Variants in DCC observed in about 807,000 individuals in gnomAD.
The protein encoded by DCC is netrin receptor DCC.
In DCC, 58 loss-of-function variants were observed where a neutral mutation model predicts 172.5. That is an observed-to-expected ratio of 0.34 (90% CI 0.27 to 0.42). DCC has a LOEUF of 0.42. Ranked by LOEUF, DCC falls within the 10% of genes least tolerant of loss-of-function variation. DCC has a pLI of 1.00. For synonymous variants in DCC, 709 were observed against 644.5 expected, an observed-to-expected ratio of 1.10 and a Z score of -1.52; for missense variants, 1,740 against 1,791.0, an observed-to-expected ratio of 0.97 and a Z score of 0.51.
At chr18:52,475,687 G>A (rs1211738499) in intron 1 of DCC, among the ~76,000 whole-genome samples, 1 of 152,168 alleles carries the variant, frequency 6.6e-6, no homozygotes, top group Non-Finnish European at 1.5e-5. Context: ...CTGTGTGGTT[G>A]TGAATATAAA....
chr18:52,756,878 A>G (rs1163842943), intron 2 of DCC: 1 of 152,208 alleles, frequency 6.6e-6, no homozygotes, highest in Non-Finnish European at 1.5e-5. Context: ...AGAACTAACA[A>G]TTATTATTAT....
At chr18:52,816,548 C>T (rs1220249894) in intron 2 of DCC, 1 of 133,448 alleles carries the variant, frequency 7.5e-6, no homozygotes, top group African/African-American at 3.1e-5. Flanking sequence ...CATTAAGAAC[C>T]TGCTGTTTTT....
intron 7 of DCC, among the ~76,000 whole-genome samples, chr18:53,102,638 A>C (rs1022233514): frequency 6.6e-6 from 1 of 152,120 alleles, no homozygotes. Flanking sequence ...AGGTCAGACC[A>C]CATCTATTTT....
rs1429445072 is a variant in DCC, at chr18:53,531,031, A to G, written c.*378A>G. ...GTGTAGGTCTAGTCTTACAAAATGC[A>G]AGTGCATTATTTAAGCCTGTACCAT... is the stretch of plus-strand genomic sequence containing the variant. On this transcript the variant is annotated 3_prime_UTR_variant, in exon 29 of 29. Transcript: ENST00000442544. 8 of 345,248 alleles carry G rather than the reference A, an allele frequency of 2.3e-5. No homozygotes were observed. The East Asian group carries it at 4.2e-4, about 18-fold the overall frequency. The allele number at this position is 345,248 out of a possible 1,614,324, so 21.4% of individuals were successfully genotyped here.
At chr18:53,206,419 A>C (rs556875173) in intron 10 of DCC, among the ~76,000 whole-genome samples, 5 of 79,256 alleles carry the variant, frequency 6.3e-5, no homozygotes, top group African/African-American at 2.8e-4. Flanking sequence ...TGTAACACAT[A>C]TATGTATATA....
At chr18:52,978,627 C>T (rs2041160104) in intron 5 of DCC, among the ~76,000 whole-genome samples, 1 of 152,148 alleles carries the variant, frequency 6.6e-6, no homozygotes, top group Admixed American at 6.5e-5. Context: ...TCGTAAATAG[C>T]ACAGTGAGAG....
At chr18:52,680,673 G>GT (rs2035733580) in intron 1 of DCC, among the ~76,000 whole-genome samples, 1 of 152,114 alleles carries the variant, frequency 6.6e-6, no homozygotes, top group African/African-American at 2.4e-5. Flanking sequence ...TGCAAACCCA[G>GT]TAAATGTTGA....
At position 52,701,209 on chromosome 18, in the gene DCC, T is replaced by C. The variant is rs181860400; in HGVS notation, c.92-50845T>C. Among the ~76,000 whole-genome samples, 441 of 152,332 alleles carry C rather than the reference T, an allele frequency of 2.9e-3. 2 individuals carry two copies. Among genetic ancestry groups the C allele is most frequent in the Admixed American group, 6.9e-3 (106 of 15,296 alleles). On this transcript the variant is annotated intron_variant, in intron 1 of 28. Coordinates refer to ENST00000442544, the MANE Select transcript of DCC (RefSeq NM_005215.4). ...TGTTTTTACCTTGACTTTGCTAATATAGTTAGAAATTTCTTTTTTCTTTTT... is the reference window on the plus strand; with the variant it reads ...TGTTTTTACCTTGACTTTGCTAATACAGTTAGAAATTTCTTTTTTCTTTTT...
intron 1 of DCC, among the ~76,000 whole-genome samples, chr18:52,604,867 T>C (rs927182455): frequency 2.0e-5 from 3 of 152,166 alleles, no homozygotes; most frequent in Non-Finnish European, 4.4e-5. Flanking sequence ...AATGAGTTTG[T>C]ATACTTTTCA....
chr18:52,502,514 T>C (rs766890305), intron 1 of DCC, among the ~76,000 whole-genome samples: 5 of 152,164 alleles, frequency 3.3e-5, no homozygotes, highest in East Asian at 1.9e-4. Flanking sequence ...TGGGACTCTA[T>C]TTTAGATTTT....
At chr18:53,511,307 C>A (rs2046248461) in intron 27 of DCC, among the ~76,000 whole-genome samples, 1 of 152,336 alleles carries the variant, frequency 6.6e-6, no homozygotes, top group Non-Finnish European at 1.5e-5. Context: ...AAGACCTCTT[C>A]CTCCCTCCCT....
chr18:53,042,924 A>G (rs1258522151), intron 5 of DCC, among the ~76,000 whole-genome samples: 1 of 152,120 alleles, frequency 6.6e-6, no homozygotes, highest in Admixed American at 6.6e-5. Context: ...ATCTAGAATT[A>G]GAAATACCAT....
chr18:52,661,483 G>A (rs2035359002), intron 1 of DCC, among the ~76,000 whole-genome samples: 1 of 152,198 alleles, frequency 6.6e-6, no homozygotes, highest in Non-Finnish European at 1.5e-5. Context: ...TGGTTGGTGA[G>A]ATCCCACAGC....
chr18:53,007,982 A>G (rs571141871), intron 5 of DCC, among the ~76,000 whole-genome samples: 1 of 152,128 alleles, frequency 6.6e-6, no homozygotes, highest in African/African-American at 2.4e-5. Context: ...ACTTAAGCCA[A>G]ATTCACCTGC....
At chr18:53,460,633 G>A (rs1268910308) in intron 24 of DCC, among the ~76,000 whole-genome samples, 1 of 151,966 alleles carries the variant, frequency 6.6e-6, no homozygotes, top group Non-Finnish European at 1.5e-5. Context: ...TGGCTGCATA[G>A]TATTCCATGG....
chr18:52,869,781 G>A (rs1033709483), intron 2 of DCC, among the ~76,000 whole-genome samples: 4 of 152,202 alleles, frequency 2.6e-5, no homozygotes, highest in Non-Finnish European at 5.9e-5. Context: ...GGCTGTGACA[G>A]CCCGGGCTTG....
intron 2 of DCC, among the ~76,000 whole-genome samples, chr18:52,817,143 C>T (rs990307003): frequency 6.6e-6 from 1 of 152,086 alleles, no homozygotes; most frequent in African/African-American, 2.4e-5. Flanking sequence ...GAATAAACTT[C>T]TACCAGAAAT....
At chr18:53,074,686 T>C (rs1244589108) in intron 7 of DCC, among the ~76,000 whole-genome samples, 4 of 152,176 alleles carry the variant, frequency 2.6e-5, no homozygotes, top group Non-Finnish European at 5.9e-5. Context: ...ACATTTTCCC[T>C]GAGTGATTCA....
Position 52,479,580 on chromosome 18 carries a change from A to ACCC in DCC, c.91+138710_91+138712dup, listed in dbSNP as rs11294586. ...TCTCTCTCACTCCCTACCTCCCTCCACCCCCCCCCCGTCTCCCTTCCTCTC... is the reference window on the plus strand; with the variant it reads ...TCTCTCTCACTCCCTACCTCCCTCCACCCCCCCCCCCCCGTCTCCCTTCCTCTC... On this transcript the variant is annotated intron_variant, in intron 1 of 28. Transcript: ENST00000442544. 6.0e-5 allele frequency among the ~76,000 whole-genome samples: 7 copies of ACCC among 116,858 alleles called. No homozygotes were observed. The East Asian group carries it at 1.9e-3, about 32-fold the overall frequency. 76.7% of individuals were successfully genotyped at this position (116,858 alleles called of 152,430 possible). A position where few individuals can be genotyped will look rare whatever the true frequency, so the allele number is the denominator to read the frequency against.
Sources: gnomAD v4.1 joint callset for allele counts (sites outside exome capture counted in the v4.1 genomes callset) on GRCh38, gnomAD v4.1.1 for gene constraint, MANE v1.5 for transcripts, NCBI Gene and HGNC (gene_info 2026-07-23, HGNC 2026-07-21) for gene names.